IP6K1: variants seen among roughly 807,000 people sequenced by gnomAD.
The protein encoded by IP6K1 is ATP:1D-myo-inositol-hexakisphosphate phosphotransferase.
Under a neutral mutation model 38.3 loss-of-function variants are expected in IP6K1, and 13 were observed. The ratio of observed to expected loss-of-function variants is 0.34; its 90% CI spans 0.22 to 0.54. The LOEUF (loss-of-function observed/expected upper bound fraction) is 0.54. Ranked by LOEUF, IP6K1 falls within the 20% of genes least tolerant of loss-of-function variation. IP6K1 has a pLI of 0.92. For missense variants in IP6K1, 397 were observed against 599.8 expected (o/e 0.66, Z 3.53); for synonymous variants, 212 against 229.9 (o/e 0.92, Z 0.70).
chr3:49,782,421 G>A (rs2081073187), intron 1 of IP6K1, among the ~76,000 whole-genome samples: 2 of 151,952 alleles, frequency 1.3e-5, no homozygotes, highest in East Asian at 1.9e-4. Context: ...CGCCCACCTT[G>A]GCCTCCCACA....
rs376396326 is a variant in IP6K1 at position 49,746,861 on chromosome 3, G to A, written c.223+957C>T. 3.1e-4 allele frequency among the ~76,000 whole-genome samples: 47 copies of A among 152,210 alleles called. No homozygotes were observed. The South Asian group carries it at 9.6e-3, about 31-fold the overall frequency. On this transcript the variant is annotated intron_variant, in intron 2 of 5. Transcript: ENST00000321599. Reference sequence around the variant, plus strand: ...TATCTACAATAGGCAAATCTGTAGAGACAGAAAGTAAACAAGAGGTTACCA... The same window carrying A: ...TATCTACAATAGGCAAATCTGTAGAAACAGAAAGTAAACAAGAGGTTACCA...
At chr3:49,774,169 G>T (rs1229344849) in intron 1 of IP6K1, among the ~76,000 whole-genome samples, 3 of 152,048 alleles carry the variant, frequency 2.0e-5, no homozygotes, top group Admixed American at 2.0e-4. Context: ...ACTTTGGGAG[G>T]CCAAGGCAGG....
At position 49,727,059 on chromosome 3, in the gene IP6K1, G is replaced by A. The variant is rs1183782568; in HGVS notation, c.*63C>T. The A allele has an allele frequency of 2.0e-6, 3 of 1,481,500 alleles. No homozygotes were observed. The highest frequency in any genetic ancestry group is 2.8e-5 in the African/African-American group (2 of 71,198). 91.8% of individuals were successfully genotyped at this position (1,481,500 alleles called of 1,614,324 possible). On this transcript the variant is annotated 3_prime_UTR_variant, in exon 6 of 6. Coordinates refer to ENST00000321599, the MANE Select transcript of IP6K1 (RefSeq NM_153273.4). The surrounding 1 kb of genome is among the most constrained non-coding windows in gnomAD (Gnocchi z 5.9). ...GCAAGTCTGTGTGTCCTCACGGCAA[G>A]TTCAGAACAATGGTCCCTGCCTGCA...
At chr3:49,731,843 G>A (rs968745573) in intron 4 of IP6K1, among the ~76,000 whole-genome samples, 11 of 140,290 alleles carry the variant, frequency 7.8e-5, no homozygotes, top group Middle Eastern at 3.9e-3. Flanking sequence ...AGCCGAGATC[G>A]CACCGCTGCA....
At chr3:49,752,052 C>T (rs1283849742) in intron 1 of IP6K1, among the ~76,000 whole-genome samples, 5 of 152,108 alleles carry the variant, frequency 3.3e-5, no homozygotes, top group African/African-American at 9.7e-5. Flanking sequence ...GTCGTCCAGG[C>T]TGGAGTACAA....
At chr3:49,731,443 A>C (rs981706720) in intron 4 of IP6K1, among the ~76,000 whole-genome samples, 6 of 152,112 alleles carry the variant, frequency 3.9e-5, no homozygotes, top group Non-Finnish European at 7.4e-5. Context: ...TATTACCTAT[A>C]AACATGTGAT....
chr3:49,732,934 C>T lies in IP6K1; in HGVS notation c.473G>A (p.Ser158Asn), dbSNP rs770505918. 1 of 1,613,994 alleles carries T rather than the reference C, an allele frequency of 6.2e-7. No individual in the cohort carries two copies. Among genetic ancestry groups the T allele is most frequent in the Middle Eastern group, 1.6e-4 (1 of 6,062 alleles). Residue 158 changes from serine to asparagine, a missense_variant, in exon 4 of 6, where the codon AGC (serine) becomes AAC (asparagine). By Grantham distance (46) the Ser-to-Asn change is conservative. Coordinates refer to ENST00000321599, the MANE Select transcript of IP6K1 (RefSeq NM_153273.4). ...CATCTGGAAAGGGACCTCTGAGTGG[C>T]TGTGCAGCTCCACCTTCGGACTCTT... ...EAKSPKVELH[S>N]HSEVPFQMLD...
intron 1 of IP6K1, among the ~76,000 whole-genome samples, chr3:49,756,555 TG>T (rs1264487067): frequency 1.3e-5 from 2 of 152,130 alleles, no homozygotes; most frequent in African/African-American, 2.4e-5. Flanking sequence ...CAGTGGCTCA[TG>T]CCTGTAATCC....
rs144440423 is a variant in IP6K1, at chr3:49,759,494, G to C, written c.-128-11326C>G. The stretch of plus-strand genomic sequence containing the variant: ...TGTTCCTATTGGACCTCCATCTCAA[G>C]GGCCAAACAGCATATTTCTTATATA... On this transcript the variant is annotated intron_variant, in intron 1 of 5. Coordinates refer to ENST00000321599, the MANE Select transcript of IP6K1 (RefSeq NM_153273.4). Among the ~76,000 whole-genome samples the C allele has an allele frequency of 2.9e-3, 442 of 152,242 alleles. 4 individuals are homozygous for C. The highest frequency in any genetic ancestry group is 0.01 in the African/African-American group (419 of 41,526).
chr3:49,725,194 A>G lies in IP6K1; in HGVS notation c.*1928T>C, dbSNP rs1417536120. Reference sequence around the variant, plus strand: ...GGGTGCAGCTTTGCTCGCTGTGAGGAGCAGCAGAATGCGGCAGCCTCTCCT... The same window carrying G: ...GGGTGCAGCTTTGCTCGCTGTGAGGGGCAGCAGAATGCGGCAGCCTCTCCT... On this transcript the variant is annotated 3_prime_UTR_variant, in exon 6 of 6. Transcript: ENST00000321599. 1.3e-5 allele frequency: 2 copies of G among 152,666 alleles called. No individual in the cohort carries two copies. Among genetic ancestry groups the G allele is most frequent in the Non-Finnish European group, 2.9e-5 (2 of 68,076 alleles). The allele number at this position is 152,666 out of a possible 1,614,324, so 9.5% of individuals were successfully genotyped here.
At chr3:49,729,037 T>C (rs893993576) in intron 4 of IP6K1, among the ~76,000 whole-genome samples, 2 of 151,218 alleles carry the variant, frequency 1.3e-5, no homozygotes, top group Non-Finnish European at 2.9e-5. Flanking sequence ...CACTGCAACC[T>C]CTGTCTCAGG....
chr3:49,736,706 T>G (rs2080615229), intron 3 of IP6K1, among the ~76,000 whole-genome samples: 1 of 152,118 alleles, frequency 6.6e-6, no homozygotes, highest in Non-Finnish European at 1.5e-5. Context: ...TGTGGGAATA[T>G]ATGTATTCAA....
chr3:49,751,369 C>G (rs180675019), intron 1 of IP6K1, among the ~76,000 whole-genome samples: 209 of 152,158 alleles, frequency 1.4e-3, no homozygotes, highest in Non-Finnish European at 2.8e-3. Context: ...ACCATGTTGG[C>G]CAAGATGGTC....
chr3:49,728,277 C>T lies in IP6K1; in HGVS notation c.618G>A (p.Lys206=), dbSNP rs897856671. ...RSESKDRKLY[K]FLLLENVVHH... ...GCACCACGTTCTCAAGCAGGAGGAA[C>T]TCTGGGCCACGGTCAAGGAGAATGA... Residue 206 remains lysine (K), a splice_region_variant and synonymous_variant, in exon 5 of 6, where the codon AAG becomes AAA. Coordinates refer to ENST00000321599, the MANE Select transcript of IP6K1 (RefSeq NM_153273.4). The T allele has an allele frequency of 1.2e-6, 2 of 1,611,920 alleles. No individual in the cohort carries two copies. The highest frequency in any genetic ancestry group is 1.3e-5 in the African/African-American group (1 of 74,898).
intron 2 of IP6K1, among the ~76,000 whole-genome samples, chr3:49,745,755 T>TG (rs1363405786): frequency 4.8e-5 from 7 of 147,118 alleles, no homozygotes; most frequent in Non-Finnish European, 1.0e-4. Flanking sequence ...CTTGGGAGGC[T>TG]GAGGCAGAAG....
rs956183294 is a variant in IP6K1 at position 49,726,746 on chromosome 3, A to G, written c.*376T>C. 2.9e-5 allele frequency: 9 copies of G among 310,982 alleles called. No individual in the cohort carries two copies. The highest frequency in any genetic ancestry group is 1.0e-4 in the East Asian group (2 of 19,074). The allele number at this position is 310,982 out of a possible 1,614,324, so 19.3% of individuals were successfully genotyped here. On this transcript the variant is annotated 3_prime_UTR_variant, in exon 6 of 6. Coordinates refer to ENST00000321599, the MANE Select transcript of IP6K1 (RefSeq NM_153273.4). ...AGTGGGCGTGGAGGGGCCCTGCACC[A>G]GCCCAGGGCTTTACCTTACAATCAG...
intron 4 of IP6K1, among the ~76,000 whole-genome samples, chr3:49,730,192 C>T (rs570894966): frequency 5.9e-5 from 9 of 152,206 alleles, no homozygotes; most frequent in East Asian, 1.9e-4. Context: ...CGCGCCCAGC[C>T]GCCTACCTAA....
chr3:49,732,658 A>G (rs562302350), intron 4 of IP6K1, 133 bp downstream of exon 4: 2 of 635,448 alleles, frequency 3.1e-6, no homozygotes, highest in South Asian at 5.1e-5. Flanking sequence ...ACGAAGGAAG[A>G]GGAGTCCATG....
chr3:49,726,502 C>T lies in IP6K1; in HGVS notation c.*620G>A, dbSNP rs2080503421. On this transcript the variant is annotated 3_prime_UTR_variant, in exon 6 of 6. Coordinates refer to ENST00000321599, the MANE Select transcript of IP6K1 (RefSeq NM_153273.4). ...CACGTGCCAACAGGTGCCTGGGGAA[C>T]CCAGGCGCCGCCCTCTGCCATAAGT... 1 of 152,274 alleles carries T rather than the reference C, an allele frequency of 6.6e-6. No individual in the cohort carries two copies. 9.4% of individuals were successfully genotyped at this position (152,274 alleles called of 1,614,324 possible). A position where few individuals can be genotyped will look rare whatever the true frequency, so the allele number is the denominator to read the frequency against.
Sources: gnomAD v4.1 joint callset for allele counts (sites outside exome capture counted in the v4.1 genomes callset) on GRCh38, gnomAD v4.1.1 for gene constraint, Gnocchi (gnomAD v3.1) non-coding constraint, MANE v1.5 for transcripts, NCBI Gene and HGNC (gene_info 2026-07-23, HGNC 2026-07-21) for gene names.